The following RASGRF1 variants were observed in gnomAD, a reference collection of about 807,000 sequenced individuals.
The protein encoded by RASGRF1 is Ras protein specific guanine nucleotide releasing factor 1, also known as ras-specific guanine nucleotide-releasing factor 1.
RASGRF1 carries 40 observed loss-of-function variants against 138.7 expected under a neutral mutation model. The ratio of observed to expected loss-of-function variants is 0.29; its 90% CI spans 0.22 to 0.38. RASGRF1 has a LOEUF of 0.38. RASGRF1 is among the 10% of genes least tolerant of loss of function. The probability of loss-of-function intolerance (pLI) is 1.00; values close to 1 mark genes in which losing one functional copy is unlikely to be tolerated. For missense variants in RASGRF1, 1,108 were observed against 1,650.4 expected, an observed-to-expected ratio of 0.67 and a Z score of 5.69; for synonymous variants, 614 against 663.2, an observed-to-expected ratio of 0.93 and a Z score of 1.14.
intron 1 of RASGRF1, among the ~76,000 whole-genome samples, chr15:79,069,082 C>A (rs1416215353): frequency 6.6e-6 from 1 of 152,196 alleles, no homozygotes; most frequent in Non-Finnish European, 1.5e-5. Flanking sequence ...TGGAGCCTCA[C>A]AACCTGGCTG....
At chr15:78,990,072 T>C (rs28464364) in intron 22 of RASGRF1, 117 bp downstream of exon 22, 14,111 of 863,102 alleles carry the variant, frequency 0.016, 147 homozygotes, top group Non-Finnish European at 0.021. Flanking sequence ...GTGGCAGGGC[T>C]GGAGAGGACC....
intron 13 of RASGRF1, among the ~76,000 whole-genome samples, chr15:79,013,819 G>A (rs1218747692): frequency 2.6e-5 from 4 of 152,184 alleles, no homozygotes; most frequent in Admixed American, 6.5e-5. Context: ...GGAGAGCTGC[G>A]TTTAGTAGGA....
chr15:79,036,769 A>C (rs1446584558), intron 5 of RASGRF1, among the ~76,000 whole-genome samples: 1 of 151,956 alleles, frequency 6.6e-6, no homozygotes, highest in Non-Finnish European at 1.5e-5. Context: ...CAAGAGAGAG[A>C]AAGGGGTGAG....
At chr15:79,038,345 A>G (rs1567559553) in intron 5 of RASGRF1, among the ~76,000 whole-genome samples, 1 of 152,198 alleles carries the variant, frequency 6.6e-6, no homozygotes, top group Non-Finnish European at 1.5e-5. Context: ...GTAGCAGCAT[A>G]TCAGGAACAT....
intron 10 of RASGRF1, among the ~76,000 whole-genome samples, chr15:79,022,477 C>A: frequency 6.9e-6 from 1 of 145,572 alleles, no homozygotes; most frequent in African/African-American, 2.6e-5. Flanking sequence ...AAAACCCCCA[C>A]AAAAAAACTA....
At chr15:79,060,174 G>A (rs940985603) in intron 2 of RASGRF1, among the ~76,000 whole-genome samples, 2 of 152,140 alleles carry the variant, frequency 1.3e-5, no homozygotes, top group Non-Finnish European at 2.9e-5. Flanking sequence ...AGCCAGGATG[G>A]CTGATGATGA....
At chr15:79,059,959 TACAC>T (rs2057575726) in intron 2 of RASGRF1, among the ~76,000 whole-genome samples, 1 of 113,306 alleles carries the variant, frequency 8.8e-6, no homozygotes, top group Non-Finnish European at 2.1e-5. Context: ...TCTCCACTGA[TACAC>T]TCACACACAC....
intron 24 of RASGRF1, chr15:78,978,507 G>T: frequency 3.1e-6 from 3 of 981,646 alleles, no homozygotes; most frequent in Non-Finnish European, 3.6e-6. Context: ...TTATAGGCAT[G>T]AGCCACTGTG....
chr15:79,048,686 A>C (rs1328093141), intron 4 of RASGRF1, among the ~76,000 whole-genome samples: 3 of 152,222 alleles, frequency 2.0e-5, no homozygotes, highest in African/African-American at 7.2e-5. Context: ...TAAAAATGTA[A>C]ACCAAAAAAA....
intron 3 of RASGRF1, among the ~76,000 whole-genome samples, chr15:79,049,905 C>T (rs1053965434): frequency 6.6e-6 from 1 of 152,212 alleles, no homozygotes; most frequent in African/African-American, 2.4e-5. Context: ...TTTGTAATCT[C>T]AGAATTTGGC....
chr15:78,988,503 C>T (rs1292880700), intron 22 of RASGRF1, among the ~76,000 whole-genome samples: 1 of 152,208 alleles, frequency 6.6e-6, no homozygotes, highest in Non-Finnish European at 1.5e-5. Flanking sequence ...CCACTGGGTG[C>T]CCAGGCCTAG....
intron 1 of RASGRF1, among the ~76,000 whole-genome samples, chr15:79,069,390 T>C (rs1456667259): frequency 6.6e-6 from 1 of 152,134 alleles, no homozygotes; most frequent in Admixed American, 6.5e-5. Flanking sequence ...CACAGGCCCA[T>C]GTGGGGATGG....
chr15:79,066,946 G>A (rs896473106), intron 1 of RASGRF1, among the ~76,000 whole-genome samples: 3 of 152,062 alleles, frequency 2.0e-5, no homozygotes, highest in African/African-American at 4.8e-5. Flanking sequence ...TCATCTGCCC[G>A]TCTACTCCAT....
Position 79,029,007 on chromosome 15 carries a change from C to T in RASGRF1, c.1263-1148G>A, listed in dbSNP as rs534770444. Among the ~76,000 whole-genome samples the T allele has an allele frequency of 2.2e-4, 34 of 152,364 alleles. No individual in the cohort carries two copies. In the South Asian group the frequency reaches 3.5e-3, roughly 16 times the overall value. On this transcript the variant is annotated intron_variant, in intron 8 of 26. Coordinates refer to ENST00000558480, the MANE Select transcript of RASGRF1 (RefSeq NM_001145648.3). ...AAGGGATTTCAGGTACCCGTGCATG[C>T]TATGCCATGCCTGGCATGTGACAGC...
At chr15:79,059,971 C>T (rs1190986235) in intron 2 of RASGRF1, among the ~76,000 whole-genome samples, 1 of 16,058 alleles carries the variant, frequency 6.2e-5, no homozygotes, top group Non-Finnish European at 1.7e-4. Flanking sequence ...CACTCACACA[C>T]ACACACACAC....
At chr15:79,012,668 AT>A in intron 13 of RASGRF1, 1 of 1,330,252 alleles carries the variant, frequency 7.5e-7, no homozygotes, top group Non-Finnish European at 1.0e-6. Flanking sequence ...TTTTAATTTT[AT>A]TTTTGTTTCA....
In RASGRF1 at chr15:79,090,528, G is replaced by T. The variant is rs777419608; in HGVS notation, c.-30C>A. On this transcript the variant is annotated 5_prime_UTR_variant, in exon 1 of 27. Transcript: ENST00000558480. Reference sequence around the variant, plus strand: ...CTCAGAGGCCAGCGAGACCCCACGCGCTTACATCTTCTCCGCGCAGCAGCC... The same window carrying T: ...CTCAGAGGCCAGCGAGACCCCACGCTCTTACATCTTCTCCGCGCAGCAGCC... The T allele has an allele frequency of 8.7e-6, 14 of 1,600,072 alleles. No individual in the cohort carries two copies. The East Asian group carries it at 2.7e-4, about 31-fold the overall frequency.
chr15:78,976,558 A>AC (rs1358677568), intron 24 of RASGRF1, among the ~76,000 whole-genome samples: 4 of 148,402 alleles, frequency 2.7e-5, no homozygotes, highest in Non-Finnish European at 4.4e-5. Context: ...ACACTCAATC[A>AC]AACACACACA....
Position 79,031,453 on chromosome 15 carries a change from G to C in RASGRF1, c.1209C>G (p.His403Gln). 6.2e-7 allele frequency: 1 copy of C among 1,613,586 alleles called. No individual in the cohort carries two copies. ...CGTAGTCCAGGCTGTTGCGCTCAAC[G>C]TGCTCATGAGGCGTGTGGGCCAGGA... ...HELLAHTPHEHVERNSLDYAK... is the reference protein window; with the variant it reads ...HELLAHTPHEQVERNSLDYAK... Residue 403 changes from histidine (H) to glutamine (Q), a missense_variant, in exon 8 of 27, where the codon CAC becomes CAG. Coordinates refer to ENST00000558480, the MANE Select transcript of RASGRF1 (RefSeq NM_001145648.3).
Sources: allele counts gnomAD v4.1 joint callset (sites outside exome capture counted in the v4.1 genomes callset), GRCh38; gene constraint gnomAD v4.1.1; transcripts MANE v1.5; gene names NCBI Gene and HGNC (gene_info 2026-07-23, HGNC 2026-07-21).